LARGE1: variants seen among roughly 807,000 people sequenced by gnomAD.
The protein encoded by LARGE1 is LARGE xylosyl- and glucuronyltransferase 1.
A neutral mutation model predicts 87.6 loss-of-function variants in LARGE1; 43 were observed. The observed-to-expected ratio is 0.49, with a 90% CI of 0.38 to 0.63. The LOEUF is 0.63. Ranked by LOEUF, LARGE1 falls within the 30% of genes least tolerant of loss-of-function variation. The pLI is 0.00. For synonymous variants in LARGE1, 434 were observed against 394.6 expected (o/e 1.10, Z -1.18); for missense variants, 802 against 1,000.2 (o/e 0.80, Z 2.67).
chr22:33,198,292 C>T (rs1256985155), intron 11 of LARGE1, among the ~76,000 whole-genome samples: 2 of 151,274 alleles, frequency 1.3e-5, no homozygotes. Flanking sequence ...TAAGGAAAGA[C>T]ACTTTTAAGA....
intron 10 of LARGE1, among the ~76,000 whole-genome samples, chr22:33,333,025 T>TTTTTTTTTTTTTTA (rs1569065273): frequency 6.0e-5 from 9 of 150,448 alleles, no homozygotes; most frequent in African/African-American, 2.0e-4. Context: ...TTTTTTTTTT[T>TTTTTTTTTTTTTTA]GGACGGAGTC....
intron 11 of LARGE1, among the ~76,000 whole-genome samples, chr22:33,236,485 CA>C: frequency 6.6e-6 from 1 of 152,162 alleles, no homozygotes; most frequent in Non-Finnish European, 1.5e-5. Flanking sequence ...ATAAGTCTCC[CA>C]AAATCTTCTT....
intron 3 of LARGE1, among the ~76,000 whole-genome samples, chr22:33,629,972 C>T (rs1406471661): frequency 6.6e-6 from 1 of 152,092 alleles, no homozygotes; most frequent in East Asian, 1.9e-4. Context: ...GCCGAGGCGG[C>T]GGATCACCTG....
At chr22:33,328,343 A>C (rs1937418205) in intron 10 of LARGE1, among the ~76,000 whole-genome samples, 1 of 152,058 alleles carries the variant, frequency 6.6e-6, no homozygotes. Context: ...GCACTTTGGG[A>C]GGCTGAGGTG....
At chr22:33,808,619 A>G (rs2086390438) in intron 1 of LARGE1, among the ~76,000 whole-genome samples, 1 of 152,252 alleles carries the variant, frequency 6.6e-6, no homozygotes. Flanking sequence ...AAAGCCCCGT[A>G]TTCCCCTGCC....
intron 6 of LARGE1, among the ~76,000 whole-genome samples, chr22:33,508,836 G>A (rs2070896851): frequency 6.6e-6 from 1 of 152,144 alleles, no homozygotes; most frequent in South Asian, 2.1e-4. Context: ...GGAAAATATG[G>A]CAGGGAAGTG....
At chr22:33,392,151 CT>C (rs66724544) in intron 7 of LARGE1, among the ~76,000 whole-genome samples, 47,607 of 140,534 alleles carry the variant, frequency 0.34, 11,445 homozygotes, top group African/African-American at 0.7. Flanking sequence ...CACGCTTCTT[CT>C]TTTTTTTTTT....
chr22:33,262,286 A>C (rs1470826011), intron 11 of LARGE1, among the ~76,000 whole-genome samples: 1 of 152,188 alleles, frequency 6.6e-6, no homozygotes, highest in Non-Finnish European at 1.5e-5. Context: ...GAACTCCTGG[A>C]AATTGTCCCT....
At chr22:33,466,728 T>TACAC (rs2068634498) in intron 6 of LARGE1, among the ~76,000 whole-genome samples, 1 of 105,702 alleles carries the variant, frequency 9.5e-6, no homozygotes, top group South Asian at 3.2e-4. Flanking sequence ...ACACACACAC[T>TACAC]ACACACACAC....
At chr22:33,350,087 A>C (rs184595925) in intron 9 of LARGE1, among the ~76,000 whole-genome samples, 1 of 152,346 alleles carries the variant, frequency 6.6e-6, no homozygotes, top group East Asian at 1.9e-4. Context: ...ATAAAAGGAC[A>C]ACAGGAAAAT....
intron 6 of LARGE1, among the ~76,000 whole-genome samples, chr22:33,533,822 T>C (rs1168016144): frequency 1.3e-5 from 2 of 152,102 alleles, no homozygotes; most frequent in African/African-American, 4.8e-5. Context: ...TTAAAAAAAA[T>C]GTAGGATCTT....
At chr22:33,775,738 G>C (rs1313377854) in intron 1 of LARGE1, among the ~76,000 whole-genome samples, 1 of 151,900 alleles carries the variant, frequency 6.6e-6, no homozygotes, top group Non-Finnish European at 1.5e-5. Context: ...TGTAATCCCA[G>C]TTACTGGGGA....
At chr22:33,827,186 C>T (rs1440674189) in intron 1 of LARGE1, among the ~76,000 whole-genome samples, 2 of 151,280 alleles carry the variant, frequency 1.3e-5, no homozygotes, top group East Asian at 1.9e-4. Context: ...CACGGTGAAA[C>T]CCCGTCTCTA....
intron 5 of LARGE1, among the ~76,000 whole-genome samples, chr22:33,599,956 T>A (rs2079072597): frequency 6.6e-6 from 1 of 152,222 alleles, no homozygotes; most frequent in Non-Finnish European, 1.5e-5. Flanking sequence ...CTCACTCACC[T>A]GTCCCAGAGC....
the LARGE1 span, among the ~76,000 whole-genome samples, chr22:33,103,238 C>T: frequency 0.15 from 22,578 of 151,672 alleles, 2,120 homozygotes; most frequent in East Asian, 0.41. Context: ...TTGAGACCAT[C>T]CTGGCTAACA....
intron 11 of LARGE1, among the ~76,000 whole-genome samples, chr22:33,226,701 C>A (rs1026003676): frequency 6.6e-6 from 1 of 151,192 alleles, no homozygotes; most frequent in South Asian, 2.1e-4. Context: ...ATGAAGATAA[C>A]CTTTAAATTA....
intron 6 of LARGE1, among the ~76,000 whole-genome samples, chr22:33,449,032 G>A (rs2067805497): frequency 6.6e-6 from 1 of 152,114 alleles, no homozygotes; most frequent in African/African-American, 2.4e-5. Flanking sequence ...TTGACTTCTT[G>A]TACTTGGCAT....
chr22:33,614,558 C>G (rs1396738965), intron 4 of LARGE1, among the ~76,000 whole-genome samples: 1 of 152,066 alleles, frequency 6.6e-6, no homozygotes, highest in East Asian at 1.9e-4. Flanking sequence ...TTCCTTAAAC[C>G]CTGCACTCCA....
chr22:33,423,377 TA>T (rs982800412), intron 7 of LARGE1, among the ~76,000 whole-genome samples: 18 of 151,956 alleles, frequency 1.2e-4, no homozygotes, highest in Admixed American at 6.6e-5. Context: ...TAATTTTCTT[TA>T]AAAAAATTAT....
Sources: gnomAD v4.1 joint callset for allele counts (sites outside exome capture counted in the v4.1 genomes callset) on GRCh38, gnomAD v4.1.1 for gene constraint, MANE v1.5 for transcripts, NCBI Gene and HGNC (gene_info 2026-07-23, HGNC 2026-07-21) for gene names.